FBXW4: variants seen among roughly 807,000 people sequenced by gnomAD.
The protein encoded by FBXW4 is F-box and WD repeat domain containing 4.
In FBXW4, 40 loss-of-function variants were observed where a neutral mutation model predicts 61.8. The ratio of observed to expected loss-of-function variants is 0.65; its 90% CI spans 0.50 to 0.84. The LOEUF (loss-of-function observed/expected upper bound fraction) is 0.84, where lower values mean the gene tolerates loss of function less well. Ranked by LOEUF, FBXW4 falls within the 40% of genes least tolerant of loss-of-function variation. FBXW4 has a pLI of 0.00. For missense variants in FBXW4, 672 were observed against 753.8 expected (o/e 0.89, Z 1.27); for synonymous variants, 311 against 313.8 (o/e 0.99, Z 0.10).
chr10:101,652,974 C>T (rs1324916880), intron 5 of FBXW4, among the ~76,000 whole-genome samples: 6 of 152,166 alleles, frequency 3.9e-5, no homozygotes, highest in African/African-American at 1.4e-4. Context: ...ACTGTTGTCC[C>T]TATGCTGAGG....
At chr10:101,631,597 G>A (rs2063956632) in intron 5 of FBXW4, among the ~76,000 whole-genome samples, 1 of 150,668 alleles carries the variant, frequency 6.6e-6, no homozygotes, top group East Asian at 1.9e-4. Flanking sequence ...ATGAGCATGT[G>A]CTGTTTTTTA....
At chr10:101,656,354 G>A (rs887979506) in intron 5 of FBXW4, among the ~76,000 whole-genome samples, 3 of 152,194 alleles carry the variant, frequency 2.0e-5, no homozygotes, top group Non-Finnish European at 4.4e-5. Context: ...GAACCAGAAA[G>A]TCACACCTCT....
intron 5 of FBXW4, among the ~76,000 whole-genome samples, chr10:101,664,648 G>A (rs755101614): frequency 6.6e-5 from 10 of 152,174 alleles, no homozygotes; most frequent in Non-Finnish European, 1.5e-4. Context: ...AACTTCCTGG[G>A]GCCAGAAGGA....
intron 4 of FBXW4, among the ~76,000 whole-genome samples, chr10:101,668,804 C>T (rs976846619): frequency 3.3e-5 from 5 of 152,126 alleles, no homozygotes; most frequent in South Asian, 2.1e-4. Context: ...CTTCACCCTA[C>T]CCTAGATGAC....
chr10:101,659,697 T>G (rs2064224560), intron 5 of FBXW4, among the ~76,000 whole-genome samples: 1 of 152,360 alleles, frequency 6.6e-6, no homozygotes, highest in South Asian at 2.1e-4. Flanking sequence ...TAGTAGAGTT[T>G]CTTCTGAATA....
At chr10:101,693,599 G>A (rs1287965185) in intron 1 of FBXW4, among the ~76,000 whole-genome samples, 1 of 152,122 alleles carries the variant, frequency 6.6e-6, no homozygotes, top group Admixed American at 6.5e-5. Context: ...TAATGTACTA[G>A]AAAGAACTAC....
At chr10:101,639,627 G>A (rs1216251724) in intron 5 of FBXW4, among the ~76,000 whole-genome samples, 2 of 152,216 alleles carry the variant, frequency 1.3e-5, no homozygotes, top group African/African-American at 4.8e-5. Context: ...ATCAAGAGAT[G>A]CGCAGCTGAC....
intron 6 of FBXW4, 104 bp downstream of exon 6, chr10:101,624,641 C>T: frequency 7.8e-7 from 1 of 1,275,232 alleles, no homozygotes. Context: ...GACCACTTCC[C>T]AGCCTTCTCC....
At position 101,672,832 on chromosome 10, in the gene FBXW4, C is replaced by T. The variant is rs187382452; in HGVS notation, c.1140+83G>A. 5.4e-4 allele frequency: 814 copies of T among 1,510,334 alleles called. 7 individuals carry two copies. In the African/African-American group the frequency reaches 0.01, roughly 19 times the overall value. The allele number at this position is 1,510,334 out of a possible 1,614,324, so 93.6% of individuals were successfully genotyped here. On this transcript the variant is annotated intron_variant, in intron 4 of 8. Coordinates refer to ENST00000331272, the MANE Select transcript of FBXW4 (RefSeq NM_022039.4). ...CCCTGTCCCCAGACGATACTCTCAG[C>T]CAATCCTGAGACTCAGGGATCTATC...
chr10:101,641,957 A>G (rs1484323787), intron 5 of FBXW4, among the ~76,000 whole-genome samples: 1 of 151,914 alleles, frequency 6.6e-6, no homozygotes, highest in Admixed American at 6.6e-5. Context: ...ACCTGAGGTC[A>G]GGAGTTTGAG....
In FBXW4 at chr10:101,611,614, G is replaced by A; in HGVS notation, c.1584+14C>T. 1 of 1,613,586 alleles carries A rather than the reference G, an allele frequency of 6.2e-7. No individual in the cohort carries two copies. The highest frequency in any genetic ancestry group is 8.5e-7 in the Non-Finnish European group (1 of 1,179,608). On this transcript the variant is annotated intron_variant, in intron 8 of 8. Coordinates refer to ENST00000331272, the MANE Select transcript of FBXW4 (RefSeq NM_022039.4). This position sits in a 1 kb window ranked among gnomAD's most constrained non-coding sequence, Gnocchi z 4.9. ...GTCCTGGCATGCTGGAGAAGAGGTG[G>A]GCAGGACACTTACGTGCAGGCAGGC...
In FBXW4 at chr10:101,694,666, G is replaced by T. The variant is rs117664315; in HGVS notation, c.440C>A (p.Ala147Asp). 0.011 allele frequency: 15,872 copies of T among 1,403,336 alleles called. 243 individuals carry two copies. Among genetic ancestry groups the T allele is most frequent in the East Asian group, 0.063 (2,112 of 33,422 alleles). 86.9% of individuals were successfully genotyped at this position (1,403,336 alleles called of 1,614,324 possible). A position where few individuals can be genotyped will look rare whatever the true frequency, so the allele number is the denominator to read the frequency against. The change falls in exon 1 of 9, where the codon GCC (alanine) becomes GAC (aspartate). Residue 147 changes from alanine (A) to aspartate (D), a missense_variant. Ala to Asp is a moderately radical substitution (Grantham distance 126). Transcript: ENST00000331272. This position sits in a 1 kb window ranked among gnomAD's most constrained non-coding sequence, Gnocchi z 6.0. The part of the protein sequence containing the change: ...RAQGRGGQAW[A>D]DIAGTGVAMA... ...GGCCACCCCTGTCCCCGCGATGTCGGCCCAAGCCTGACCCCCTCGTCCCTG... is the reference window on the plus strand; with the variant it reads ...GGCCACCCCTGTCCCCGCGATGTCGTCCCAAGCCTGACCCCCTCGTCCCTG...
At chr10:101,667,283 A>T (rs2064312517) in intron 5 of FBXW4, among the ~76,000 whole-genome samples, 1 of 151,886 alleles carries the variant, frequency 6.6e-6, no homozygotes, top group Admixed American at 6.6e-5. Flanking sequence ...TAAAATAAAT[A>T]ATAATAAAAA....
intron 1 of FBXW4, among the ~76,000 whole-genome samples, chr10:101,689,148 G>A (rs185140274): frequency 1.4e-5 from 2 of 142,878 alleles, no homozygotes; most frequent in African/African-American, 5.2e-5. Flanking sequence ...AAAAAAAAAT[G>A]AAAGTATGGA....
chr10:101,643,223 C>A (rs1211994979), intron 5 of FBXW4, among the ~76,000 whole-genome samples: 3 of 152,218 alleles, frequency 2.0e-5, no homozygotes, highest in Admixed American at 6.5e-5. Flanking sequence ...GCGTATCTAC[C>A]CTTCAATTCC....
intron 6 of FBXW4, among the ~76,000 whole-genome samples, chr10:101,621,604 G>C (rs1164545988): frequency 6.6e-6 from 1 of 152,172 alleles, no homozygotes; most frequent in African/African-American, 2.4e-5. Context: ...GAGACAGCTT[G>C]CATTAGTTGA....
At chr10:101,684,401 C>T (rs1471597796) in intron 1 of FBXW4, among the ~76,000 whole-genome samples, 4 of 152,200 alleles carry the variant, frequency 2.6e-5, no homozygotes, top group Non-Finnish European at 4.4e-5. Flanking sequence ...GCTGGGATTA[C>T]AGGCGTGAGC....
At chr10:101,647,461 T>C (rs2064110587) in intron 5 of FBXW4, among the ~76,000 whole-genome samples, 1 of 152,144 alleles carries the variant, frequency 6.6e-6, no homozygotes, top group African/African-American at 2.4e-5. Context: ...TGCCTGCCCA[T>C]CCCATCCAAC....
chr10:101,625,352 T>C, intron 5 of FBXW4: 1 of 159,038 alleles, frequency 6.3e-6, no homozygotes, highest in Non-Finnish European at 1.4e-5. Flanking sequence ...GGAAAAAATA[T>C]GAAAGATGAG....
Sources: gnomAD v4.1 joint callset for allele counts (sites outside exome capture counted in the v4.1 genomes callset) on GRCh38, gnomAD v4.1.1 for gene constraint, Gnocchi (gnomAD v3.1) non-coding constraint, MANE v1.5 for transcripts, NCBI Gene and HGNC (gene_info 2026-07-23, HGNC 2026-07-21) for gene names.